Variants in CDH13 observed in about 807,000 individuals in gnomAD.
The protein encoded by CDH13 is cadherin-13.
A neutral mutation model predicts 63.8 loss-of-function variants in CDH13; 24 were observed. That is an observed-to-expected ratio of 0.38 (90% CI 0.27 to 0.53). CDH13 has a LOEUF of 0.53. CDH13 is among the 20% of genes least tolerant of loss of function. CDH13 has a pLI of 0.85. For missense variants in CDH13, 1,049 were observed against 903.1 expected, an observed-to-expected ratio of 1.16 and a Z score of -2.07; for synonymous variants, 503 against 355.3, an observed-to-expected ratio of 1.42 and a Z score of -4.67.
chr16:83,018,858 G>A (rs1295755078), intron 2 of CDH13, among the ~76,000 whole-genome samples: 1 of 152,158 alleles, frequency 6.6e-6, no homozygotes, highest in Non-Finnish European at 1.5e-5. Context: ...TCTAAACACA[G>A]AAAAGGTATA....
intron 6 of CDH13, among the ~76,000 whole-genome samples, chr16:83,393,773 C>G (rs779190006): frequency 6.6e-6 from 1 of 152,176 alleles, no homozygotes; most frequent in Non-Finnish European, 1.5e-5. Context: ...ATTCATTTAA[C>G]AAGCAATGCC....
At chr16:82,628,512 A>G (rs1907627529) in intron 1 of CDH13, among the ~76,000 whole-genome samples, 2 of 152,168 alleles carry the variant, frequency 1.3e-5, no homozygotes, top group Non-Finnish European at 2.9e-5. Context: ...TCAGAAATGC[A>G]GTGATGGGTG....
intron 1 of CDH13, among the ~76,000 whole-genome samples, chr16:82,665,824 C>T (rs983627101): frequency 2.0e-5 from 3 of 152,028 alleles, no homozygotes; most frequent in African/African-American, 7.2e-5. Flanking sequence ...CTTGCGTTAG[C>T]CTACAGGAGG....
intron 4 of CDH13, among the ~76,000 whole-genome samples, chr16:83,157,385 C>T (rs775357484): frequency 6.6e-6 from 1 of 152,170 alleles, no homozygotes; most frequent in Non-Finnish European, 1.5e-5. Context: ...CATCCGGAAT[C>T]AGTTCTCATC....
At chr16:83,713,406 C>A (rs412424) in intron 10 of CDH13, among the ~76,000 whole-genome samples, 39,187 of 151,798 alleles carry the variant, frequency 0.26, 5,668 homozygotes, top group Middle Eastern at 0.46. Flanking sequence ...TTGTAATGAG[C>A]ATTGCATTCT....
chr16:82,677,919 A>C (rs1458587402), intron 1 of CDH13, among the ~76,000 whole-genome samples: 1 of 152,170 alleles, frequency 6.6e-6, no homozygotes, highest in Non-Finnish European at 1.5e-5. Context: ...CCATCTCTAA[A>C]TGATTGATGT....
chr16:83,030,640 T>TA (rs35207887), intron 2 of CDH13, among the ~76,000 whole-genome samples: 1,592 of 92,850 alleles, frequency 0.017, 52 homozygotes, highest in Middle Eastern at 0.056. Flanking sequence ...AAGACTCTGT[T>TA]AAAAAAAAAA....
intron 2 of CDH13, among the ~76,000 whole-genome samples, chr16:82,914,543 A>C (rs976237198): frequency 6.6e-6 from 1 of 152,212 alleles, no homozygotes. Context: ...GACACTCCTA[A>C]GTAGTTAAAG....
chr16:83,416,484 G>C (rs1011825245), intron 6 of CDH13, among the ~76,000 whole-genome samples: 2 of 152,060 alleles, frequency 1.3e-5, no homozygotes, highest in Non-Finnish European at 2.9e-5. Context: ...ATCTCTTCTT[G>C]TGCCTCTCAT....
At chr16:82,648,212 A>G (rs1244303149) in intron 1 of CDH13, among the ~76,000 whole-genome samples, 1 of 152,256 alleles carries the variant, frequency 6.6e-6, no homozygotes, top group Admixed American at 6.5e-5. Flanking sequence ...AGGCATAAAA[A>G]TAGTCATGCA....
intron 6 of CDH13, among the ~76,000 whole-genome samples, chr16:83,434,569 C>G (rs1287494352): frequency 2.0e-5 from 3 of 151,956 alleles, no homozygotes; most frequent in East Asian, 1.9e-4. Flanking sequence ...CTCCCTCCAT[C>G]TCAAACTCAA....
intron 2 of CDH13, among the ~76,000 whole-genome samples, chr16:83,029,784 A>G (rs1386837720): frequency 6.6e-6 from 1 of 151,546 alleles, no homozygotes; most frequent in East Asian, 1.9e-4. Context: ...GTTGCTGGAC[A>G]GTTGGTTGTG....
intron 1 of CDH13, among the ~76,000 whole-genome samples, chr16:82,807,832 G>T (rs2037227482): frequency 6.6e-6 from 1 of 152,080 alleles, no homozygotes; most frequent in Non-Finnish European, 1.5e-5. Flanking sequence ...ATAATTACTG[G>T]GGACTTTTAA....
intron 2 of CDH13, among the ~76,000 whole-genome samples, chr16:82,963,786 C>T (rs114696048): frequency 0.014 from 2,089 of 152,244 alleles, 36 homozygotes; most frequent in African/African-American, 0.044. Flanking sequence ...ACCCATTTCC[C>T]CTTGGCACGG....
At chr16:82,833,410 CT>C (rs1370949329) in intron 1 of CDH13, among the ~76,000 whole-genome samples, 1 of 152,184 alleles carries the variant, frequency 6.6e-6, no homozygotes, top group Non-Finnish European at 1.5e-5. Flanking sequence ...GGCGTGGGGA[CT>C]CAAAGCCAGG....
intron 1 of CDH13, among the ~76,000 whole-genome samples, chr16:82,658,064 T>G (rs1366723703): frequency 6.6e-6 from 1 of 152,230 alleles, no homozygotes; most frequent in Non-Finnish European, 1.5e-5. Flanking sequence ...TAGTTGTTCT[T>G]TATTAAGTTG....
chr16:82,736,913 C>T (rs975537716), intron 1 of CDH13, among the ~76,000 whole-genome samples: 29 of 152,164 alleles, frequency 1.9e-4, no homozygotes, highest in Non-Finnish European at 1.2e-4. Context: ...GTTCCTCCAC[C>T]TTTCACTTCT....
At chr16:83,423,718 C>G (rs1291112355) in intron 6 of CDH13, among the ~76,000 whole-genome samples, 1 of 152,154 alleles carries the variant, frequency 6.6e-6, no homozygotes, top group East Asian at 1.9e-4. Context: ...ATATTAAACC[C>G]TAATAAATAT....
At chr16:83,643,298 AAAAG>A (rs1911478729) in intron 8 of CDH13, among the ~76,000 whole-genome samples, 1 of 42,528 alleles carries the variant, frequency 2.4e-5, no homozygotes. Context: ...AAAAAAAAAA[AAAAG>A]AAAAAAAAAA....
Sources: gnomAD v4.1 joint callset for allele counts (sites outside exome capture counted in the v4.1 genomes callset) on GRCh38, gnomAD v4.1.1 for gene constraint, MANE v1.5 for transcripts, NCBI Gene and HGNC (gene_info 2026-07-23, HGNC 2026-07-21) for gene names.